Variants in HDAC4 observed in about 807,000 individuals in gnomAD.
HDAC4 encodes the protein histone deacetylase 4.
A neutral mutation model predicts 135.1 loss-of-function variants in HDAC4; 16 were observed. The ratio of observed to expected loss-of-function variants is 0.12; its 90% CI spans 0.08 to 0.18. The LOEUF is 0.18. Among genes scored for constraint, HDAC4 ranks in the 10% least tolerant of loss-of-function variants. The probability of loss-of-function intolerance (pLI) is 1.00; values close to 1 mark genes in which losing one functional copy is unlikely to be tolerated. For missense variants in HDAC4, 1,143 were observed against 1,511.8 expected (o/e 0.76, Z 4.05); for synonymous variants, 685 against 653.4 (o/e 1.05, Z -0.74).
Position 239,115,152 on chromosome 2 carries a change from C to T in HDAC4, c.1692G>A (p.Lys564=), listed in dbSNP as rs114495208. ...CCTCATCGCTCTCAATGGGCTCCTGCTTCACCTGCACGCCGGCCTGTGCGT... is the reference window on the plus strand; with the variant it reads ...CCTCATCGCTCTCAATGGGCTCCTGTTTCACCTGCACGCCGGCCTGTGCGT... The part of the protein sequence containing the change: ...EAHAQAGVQV[K]QEPIESDEEE... Residue 564 remains lysine (K), a synonymous_variant, in exon 13 of 27, where the codon AAG becomes AAA. Coordinates refer to ENST00000543185, the MANE Select transcript of HDAC4 (RefSeq NM_001378414.1). The surrounding 1 kb of genome is among the most constrained non-coding windows in gnomAD (Gnocchi z 6.3). The T allele has an allele frequency of 5.8e-3, 9,336 of 1,611,622 alleles. 48 individuals are homozygous for T. Among genetic ancestry groups the T allele is most frequent in the Non-Finnish European group, 6.1e-3 (7,183 of 1,179,960 alleles).
At chr2:239,379,031 C>G (rs917811305) in intron 1 of HDAC4, among the ~76,000 whole-genome samples, 1 of 151,972 alleles carries the variant, frequency 6.6e-6, no homozygotes, top group East Asian at 1.9e-4. Context: ...AGGGGTGGGA[C>G]GGGAAGGTAA....
At chr2:239,260,099 A>C (rs1252575862) in intron 2 of HDAC4, among the ~76,000 whole-genome samples, 1 of 152,206 alleles carries the variant, frequency 6.6e-6, no homozygotes, top group African/African-American at 2.4e-5. Context: ...CTATAAGCTG[A>C]GCAATTCCTT....
At chr2:239,074,578 G>A (rs925640193) in intron 22 of HDAC4, among the ~76,000 whole-genome samples, 1 of 152,260 alleles carries the variant, frequency 6.6e-6, no homozygotes, top group Non-Finnish European at 1.5e-5. Context: ...GTGGGGCACA[G>A]TCGGATGCAC....
chr2:239,100,613 G>A (rs2037524462), intron 16 of HDAC4, among the ~76,000 whole-genome samples: 1 of 152,176 alleles, frequency 6.6e-6, no homozygotes, highest in African/African-American at 2.4e-5. Context: ...CTCCTAAGGG[G>A]GAAGTGCCAA....
At chr2:239,220,707 A>T (rs1394385036) in intron 3 of HDAC4, among the ~76,000 whole-genome samples, 2 of 152,222 alleles carry the variant, frequency 1.3e-5, no homozygotes, top group Non-Finnish European at 2.9e-5. Context: ...ATCTACGAAC[A>T]TCCATCTTTT....
At chr2:239,200,141 A>G (rs1432963725) in intron 3 of HDAC4, among the ~76,000 whole-genome samples, 1 of 152,148 alleles carries the variant, frequency 6.6e-6, no homozygotes, top group Non-Finnish European at 1.5e-5. Context: ...TTGGGTTGGG[A>G]CTTACGAACT....
intron 24 of HDAC4, among the ~76,000 whole-genome samples, chr2:239,055,954 G>A (rs936396508): frequency 1.3e-5 from 2 of 152,196 alleles, no homozygotes; most frequent in South Asian, 2.1e-4. Flanking sequence ...ACAGACGCAC[G>A]ACGACGTGTC....
rs201790270 is a variant in HDAC4 at position 239,112,907 on chromosome 2, C to T, written c.1792-1195G>A. Among the ~76,000 whole-genome samples, 230 of 152,178 alleles carry T rather than the reference C, an allele frequency of 1.5e-3. 5 individuals carry two copies. Among genetic ancestry groups the T allele is most frequent in the Non-Finnish European group, 7.3e-5 (5 of 68,042 alleles). ...AGCACTGGGGGAAACCAGAGCTACC[C>T]GGCCAGGCTCCGATCTGTCCTGCCT... On this transcript the variant is annotated intron_variant, in intron 13 of 26. Coordinates refer to ENST00000543185, the MANE Select transcript of HDAC4 (RefSeq NM_001378414.1).
intron 17 of HDAC4, chr2:239,094,176 G>A: frequency 1.0e-6 from 1 of 985,444 alleles, no homozygotes; most frequent in Non-Finnish European, 1.2e-6. Flanking sequence ...CGGCACTGCA[G>A]GACCATGATG....
At chr2:239,272,277 G>C (rs1204209411) in intron 2 of HDAC4, among the ~76,000 whole-genome samples, 1 of 152,154 alleles carries the variant, frequency 6.6e-6, no homozygotes, top group Non-Finnish European at 1.5e-5. Flanking sequence ...GTCTCTGATA[G>C]GACACCAAAA....
chr2:239,208,607 C>T (rs941196475), intron 3 of HDAC4, among the ~76,000 whole-genome samples: 1 of 152,082 alleles, frequency 6.6e-6, no homozygotes, highest in Non-Finnish European at 1.5e-5. Flanking sequence ...AGGGAGGGAA[C>T]ACAACTCCTG....
At chr2:239,093,249 C>T (rs1027359773) in intron 17 of HDAC4, among the ~76,000 whole-genome samples, 4 of 152,212 alleles carry the variant, frequency 2.6e-5, no homozygotes, top group African/African-American at 4.8e-5. Flanking sequence ...GTGTTCCAAG[C>T]CCCACTGTTC....
At position 239,108,118 on chromosome 2, in the gene HDAC4, C is replaced by T. The variant is rs2152785155; in HGVS notation, c.2044G>A (p.Glu682Lys). ...ATGCTCTGGATCCTCCCGGCGTGCTCGGGGTGGCTGCTGCTACTCCCGCAG... is the reference window on the plus strand; with the variant it reads ...ATGCTCTGGATCCTCCCGGCGTGCTTGGGGTGGCTGCTGCTACTCCCGCAG... ...CTCGSSSSHP[E>K]HAGRIQSIWS... Residue 682 changes from glutamate to lysine, a missense_variant, in exon 15 of 27, where the codon GAG (glutamate) becomes AAG (lysine). By Grantham distance (56) the Glu-to-Lys change is moderately conservative. Transcript: ENST00000543185. 6.2e-7 allele frequency: 1 copy of T among 1,609,320 alleles called. No individual in the cohort carries two copies. Among genetic ancestry groups the T allele is most frequent in the Non-Finnish European group, 8.5e-7 (1 of 1,179,146 alleles).
chr2:239,163,812 T>A lies in HDAC4; in HGVS notation c.602A>T (p.Tyr201Phe). ...LNHCISSDPR[Y>F]WYGKTQHSSL... ...CCACACCCACACTTACCCGTACCAGTAGCGAGGGTCGCTGGAAATGCAGTG... is the reference window on the plus strand; with the variant it reads ...CCACACCCACACTTACCCGTACCAGAAGCGAGGGTCGCTGGAAATGCAGTG... The change falls in exon 6 of 27, where the codon TAC (tyrosine) becomes TTC (phenylalanine). Residue 201 changes from tyrosine to phenylalanine, a missense_variant. Physicochemically the swap from Tyr to Phe is conservative, Grantham distance 22. Coordinates refer to ENST00000543185, the MANE Select transcript of HDAC4 (RefSeq NM_001378414.1). The A allele has an allele frequency of 6.2e-7, 1 of 1,614,128 alleles. No homozygotes were observed. The highest frequency in any genetic ancestry group is 8.5e-7 in the Non-Finnish European group (1 of 1,180,024).
intron 2 of HDAC4, among the ~76,000 whole-genome samples, chr2:239,281,299 ACAC>A (rs1559322150): frequency 1.9e-5 from 2 of 105,094 alleles, no homozygotes; most frequent in African/African-American, 6.4e-5. Context: ...TACAATGAAC[ACAC>A]CACTCTACAC....
intron 2 of HDAC4, among the ~76,000 whole-genome samples, chr2:239,317,532 C>T (rs1464460791): frequency 4.6e-5 from 7 of 152,092 alleles, no homozygotes; most frequent in South Asian, 4.1e-4. Context: ...CTGCCAGAAA[C>T]GCCAGCATGA....
chr2:239,267,092 TG>T (rs143978355), intron 2 of HDAC4, among the ~76,000 whole-genome samples: 8,884 of 152,150 alleles, frequency 0.058, 374 homozygotes, highest in Non-Finnish European at 0.083. Flanking sequence ...GTACACTGCA[TG>T]GGGGGTGCCG....
chr2:239,054,382 C>T (rs2031435360), intron 25 of HDAC4, among the ~76,000 whole-genome samples: 1 of 152,106 alleles, frequency 6.6e-6, no homozygotes, highest in Non-Finnish European at 1.5e-5. Flanking sequence ...AGGACGTGGG[C>T]TTCTCTGGTC....
At chr2:239,340,698 T>C (rs949848798) in intron 2 of HDAC4, among the ~76,000 whole-genome samples, 2 of 152,204 alleles carry the variant, frequency 1.3e-5, no homozygotes, top group African/African-American at 2.4e-5. Context: ...CTGCCTTGAA[T>C]GAAGCATCTG....
Sources: gnomAD v4.1 joint callset for allele counts (sites outside exome capture counted in the v4.1 genomes callset) on GRCh38, gnomAD v4.1.1 for gene constraint, Gnocchi (gnomAD v3.1) non-coding constraint, MANE v1.5 for transcripts, NCBI Gene and HGNC (gene_info 2026-07-23, HGNC 2026-07-21) for gene names.